KLF12: variants seen among roughly 807,000 people sequenced by gnomAD.
The protein encoded by KLF12 is Krueppel-like factor 12.
KLF12 carries 9 observed loss-of-function variants against 37.8 expected under a neutral mutation model. The observed-to-expected ratio is 0.24, with a 90% CI of 0.14 to 0.42. The LOEUF (loss-of-function observed/expected upper bound fraction) is 0.42, where lower values mean the gene tolerates loss of function less well. Among genes scored for constraint, KLF12 ranks in the 10% least tolerant of loss-of-function variants. The probability of loss-of-function intolerance (pLI) is 1.00; values close to 1 mark genes in which losing one functional copy is unlikely to be tolerated. For synonymous variants in KLF12, 208 were observed against 202.1 expected, an observed-to-expected ratio of 1.03 and a Z score of -0.25; for missense variants, 411 against 516.0, an observed-to-expected ratio of 0.80 and a Z score of 1.97.
At chr13:74,187,012 G>T in the KLF12 span, among the ~76,000 whole-genome samples, 16 of 151,984 alleles carry the variant, frequency 1.1e-4, no homozygotes, top group South Asian at 4.2e-4. Context: ...TAAAACACAG[G>T]GTCTGCACAT....
intron 6 of KLF12, among the ~76,000 whole-genome samples, chr13:73,718,919 A>G (rs762858277): frequency 6.6e-6 from 1 of 152,262 alleles, no homozygotes; most frequent in Non-Finnish European, 1.5e-5. Context: ...GAAATGTTTT[A>G]GAACATTATA....
intron 1 of KLF12, among the ~76,000 whole-genome samples, chr13:74,039,681 G>A (rs1245819624): frequency 1.1e-4 from 17 of 152,076 alleles, no homozygotes; most frequent in Admixed American, 1.1e-3. Flanking sequence ...CTGGAAATAG[G>A]GGGAAATAAA....
chr13:74,289,106 C>G, the KLF12 span: 1 of 151,926 alleles, frequency 6.6e-6, no homozygotes, highest in Non-Finnish European at 1.5e-5. Flanking sequence ...TTTTTTAAGA[C>G]TAGTCAAGTG....
the KLF12 span, among the ~76,000 whole-genome samples, chr13:74,162,528 T>A: frequency 6.6e-6 from 1 of 152,210 alleles, no homozygotes; most frequent in African/African-American, 2.4e-5. Context: ...CCATTTTCTT[T>A]TGTCTGTGTG....
chr13:73,746,896 C>T (rs1339554026), intron 6 of KLF12, among the ~76,000 whole-genome samples: 1 of 147,844 alleles, frequency 6.8e-6, no homozygotes, highest in Non-Finnish European at 1.5e-5. Flanking sequence ...CTCACTGCAA[C>T]CTCTGCCTCC....
intron 6 of KLF12, among the ~76,000 whole-genome samples, chr13:73,737,888 C>T (rs1252954249): frequency 6.6e-6 from 1 of 151,642 alleles, no homozygotes; most frequent in African/African-American, 2.4e-5. Context: ...TGGCCAATTG[C>T]ACTTTGGCAC....
At chr13:74,006,895 C>T (rs749270484) in intron 1 of KLF12, among the ~76,000 whole-genome samples, 4 of 152,196 alleles carry the variant, frequency 2.6e-5, no homozygotes, top group African/African-American at 9.7e-5. Context: ...CTTTCCAATG[C>T]ACATGACAAA....
chr13:73,798,362 A>C (rs7985238), intron 5 of KLF12, among the ~76,000 whole-genome samples: 23,154 of 152,192 alleles, frequency 0.15, 2,262 homozygotes, highest in African/African-American at 0.28. Context: ...AGGAATAAGC[A>C]AAGATTTAAT....
At chr13:74,091,996 A>C (rs1328467474) in intron 1 of KLF12, among the ~76,000 whole-genome samples, 1 of 64,762 alleles carries the variant, frequency 1.5e-5, no homozygotes, top group East Asian at 4.7e-3. Flanking sequence ...AGCAACCTTT[A>C]AAAAAAAAAA....
the KLF12 span, among the ~76,000 whole-genome samples, chr13:74,219,719 T>C: frequency 1.3e-5 from 2 of 152,226 alleles, no homozygotes; most frequent in African/African-American, 4.8e-5. Context: ...ATTTCTGCTG[T>C]GCATAGAATT....
At chr13:73,772,152 GTC>G (rs1566357190) in intron 5 of KLF12, among the ~76,000 whole-genome samples, 4 of 151,490 alleles carry the variant, frequency 2.6e-5, no homozygotes, top group Non-Finnish European at 5.9e-5. Flanking sequence ...TATACAACCT[GTC>G]TATCTTTTAC....
chr13:73,987,884 G>A (rs1030271167), intron 2 of KLF12, among the ~76,000 whole-genome samples: 6 of 152,016 alleles, frequency 3.9e-5, no homozygotes, highest in African/African-American at 1.5e-4. Flanking sequence ...GGAGGGTAGA[G>A]AGGGAAAGAG....
intron 5 of KLF12, among the ~76,000 whole-genome samples, chr13:73,787,338 G>T (rs1469898232): frequency 6.6e-6 from 1 of 152,140 alleles, no homozygotes; most frequent in Non-Finnish European, 1.5e-5. Context: ...CTTGTCCCAG[G>T]TCATGTAGTT....
the KLF12 span, among the ~76,000 whole-genome samples, chr13:74,300,069 C>A: frequency 6.6e-6 from 1 of 151,998 alleles, no homozygotes; most frequent in East Asian, 1.9e-4. Flanking sequence ...AAGGGGAAAT[C>A]ACCTTTTATC....
chr13:73,723,119 A>G (rs780693301), intron 6 of KLF12, among the ~76,000 whole-genome samples: 3 of 152,232 alleles, frequency 2.0e-5, no homozygotes, highest in Non-Finnish European at 2.9e-5. Flanking sequence ...GAAAAAAACG[A>G]ATCATTAACA....
the KLF12 span, among the ~76,000 whole-genome samples, chr13:74,201,582 A>G: frequency 6.6e-6 from 1 of 152,022 alleles, no homozygotes; most frequent in Non-Finnish European, 1.5e-5. Flanking sequence ...CCATACTCTG[A>G]TTTTGAATAT....
At chr13:74,162,829 A>G in the KLF12 span, among the ~76,000 whole-genome samples, 98 of 152,318 alleles carry the variant, frequency 6.4e-4, no homozygotes, top group East Asian at 0.015. Context: ...AATAAATGAG[A>G]AGGTAGCATG....
chr13:74,110,066 CA>C (rs1248185520), intron 1 of KLF12, among the ~76,000 whole-genome samples: 2 of 152,088 alleles, frequency 1.3e-5, no homozygotes, highest in Non-Finnish European at 2.9e-5. Context: ...TCAAATTTTT[CA>C]AGAAAATTTG....
the KLF12 span, among the ~76,000 whole-genome samples, chr13:74,190,371 CT>C: frequency 6.6e-6 from 1 of 152,160 alleles, no homozygotes; most frequent in Non-Finnish European, 1.5e-5. Flanking sequence ...GAAAATACTG[CT>C]TATTTCCCTT....
Sources: gnomAD v4.1 joint callset for allele counts (sites outside exome capture counted in the v4.1 genomes callset) on GRCh38, gnomAD v4.1.1 for gene constraint, MANE v1.5 for transcripts, NCBI Gene and HGNC (gene_info 2026-07-23, HGNC 2026-07-21) for gene names.